POFUT4: variants seen among roughly 807,000 people sequenced by gnomAD.
The protein encoded by POFUT4 is protein O-fucosyltransferase 4.
At chr10:73,775,708 C>G in the POFUT4 span, 1 of 1,613,278 alleles carries the variant, frequency 6.2e-7, no homozygotes, top group South Asian at 1.1e-5. Flanking sequence ...GAGCCTTTAA[C>G]TTGGCGGAGC....
the POFUT4 span, chr10:73,779,924 C>G: frequency 6.6e-6 from 1 of 152,200 alleles, no homozygotes; most frequent in Admixed American, 6.5e-5. Context: ...TTATTCCTAT[C>G]ACCATATACG....
chr10:73,777,885 A>G, the POFUT4 span, among the ~76,000 whole-genome samples: 1 of 120,948 alleles, frequency 8.3e-6, no homozygotes, highest in Non-Finnish European at 1.7e-5. Context: ...TTTGAGGCAG[A>G]GTCTCACTCC....
At chr10:73,773,550 G>C in the POFUT4 span, 6 of 1,614,254 alleles carry the variant, frequency 3.7e-6, no homozygotes, top group Non-Finnish European at 5.1e-6. Flanking sequence ...CAAGCAACCT[G>C]GGGGCATCAC....
At chr10:73,779,536 C>T in the POFUT4 span, 1 of 147,932 alleles carries the variant, frequency 6.8e-6, no homozygotes, top group South Asian at 2.1e-4. Context: ...GCACTCCAGC[C>T]TGGACAACAA....
At chr10:73,774,694 T>TCA in the POFUT4 span, 2,380 of 150,162 alleles carry the variant, frequency 0.016, 31 homozygotes, top group South Asian at 0.021. Context: ...TAAGACCCTG[T>TCA]CACACACACA....
At chr10:73,774,131 G>A in the POFUT4 span, 2 of 281,062 alleles carry the variant, frequency 7.1e-6, no homozygotes, top group African/African-American at 4.4e-5. Context: ...AATAAATAGG[G>A]ACAAGGCTAT....
the POFUT4 span, chr10:73,772,945 CCGCCGCGGCTACG>C: frequency 3.1e-6 from 5 of 1,607,548 alleles, no homozygotes; most frequent in Non-Finnish European, 4.2e-6. Flanking sequence ...CGGAGTGGCG[CCGCCGCGGCTACG>C]CGCCGCTGCT....
chr10:73,775,386 T>C, the POFUT4 span: 10 of 1,593,632 alleles, frequency 6.3e-6, no homozygotes, highest in African/African-American at 9.4e-5. Flanking sequence ...TGGGCTTATA[T>C]TGGATTTACT....
At chr10:73,773,729 GC>G in the POFUT4 span, 2 of 1,614,150 alleles carry the variant, frequency 1.2e-6, no homozygotes, top group African/African-American at 2.7e-5. Context: ...CCGTCTTTGA[GC>G]CCCACATTGC....
the POFUT4 span, chr10:73,780,018 A>G: frequency 6.6e-6 from 1 of 152,228 alleles, no homozygotes. Flanking sequence ...ATACTTACCG[A>G]AAGCTTCACT....
chr10:73,776,740 C>T, the POFUT4 span, among the ~76,000 whole-genome samples: 12 of 152,150 alleles, frequency 7.9e-5, no homozygotes, highest in African/African-American at 2.9e-4. Flanking sequence ...AGTGCAGTGG[C>T]ATGATCTCGG....
At chr10:73,775,906 C>A in the POFUT4 span, 1 of 541,946 alleles carries the variant, frequency 1.8e-6, no homozygotes, top group Non-Finnish European at 3.3e-6. Context: ...ATTCTTGGTT[C>A]AGTGGGAAAC....
the POFUT4 span, chr10:73,773,366 T>C: frequency 1.6e-5 from 26 of 1,614,132 alleles, no homozygotes; most frequent in African/African-American, 3.2e-4. Context: ...AACTGTGGCG[T>C]CCCATGCACC....
the POFUT4 span, chr10:73,772,371 T>C: frequency 1.9e-6 from 3 of 1,549,646 alleles, no homozygotes; most frequent in Non-Finnish European, 2.6e-6. Context: ...TTGGTCCTTC[T>C]AGGGGTGCTC....
At chr10:73,773,613 C>G in the POFUT4 span, 1 of 1,614,236 alleles carries the variant, frequency 6.2e-7, no homozygotes, top group Non-Finnish European at 8.5e-7. Flanking sequence ...AGTGAATGAT[C>G]CTTTGCTGCC....
the POFUT4 span, chr10:73,773,236 C>T: frequency 5.0e-5 from 80 of 1,613,574 alleles, no homozygotes; most frequent in African/African-American, 6.9e-4. Flanking sequence ...CTGCCTACCG[C>T]GCGGCTACAG....
the POFUT4 span, chr10:73,772,661 C>A: frequency 1.3e-6 from 2 of 1,557,138 alleles, no homozygotes; most frequent in Non-Finnish European, 1.7e-6. Flanking sequence ...CCGGAACCGC[C>A]GAGCGCTGAG....
chr10:73,773,093 A>G, the POFUT4 span: 1 of 118,812 alleles, frequency 8.4e-6, no homozygotes, highest in African/African-American at 3.7e-5. Context: ...GGTTGAGGCC[A>G]GGACTCCAGG....
At chr10:73,777,983 C>T in the POFUT4 span, among the ~76,000 whole-genome samples, 1 of 151,708 alleles carries the variant, frequency 6.6e-6, no homozygotes, top group African/African-American at 2.4e-5. Flanking sequence ...TCTCAGCCTC[C>T]AGAGTGGTGG....
Sources: allele counts gnomAD v4.1 joint callset (sites outside exome capture counted in the v4.1 genomes callset), GRCh38; gene constraint gnomAD v4.1.1; transcripts MANE v1.5; gene names NCBI Gene and HGNC (gene_info 2026-07-23, HGNC 2026-07-21).